Variants in MTA3 observed in about 807,000 individuals in gnomAD.
The protein encoded by MTA3 is metastasis-associated protein MTA3.
In MTA3, 34 loss-of-function variants were observed where a neutral mutation model predicts 83.5. The ratio of observed to expected loss-of-function variants is 0.41; its 90% CI spans 0.31 to 0.54. The LOEUF (loss-of-function observed/expected upper bound fraction) is 0.54. Ranked by LOEUF, MTA3 falls within the 20% of genes least tolerant of loss-of-function variation. MTA3 has a pLI of 0.33. For missense variants in MTA3, 761 were observed against 726.4 expected, an observed-to-expected ratio of 1.05 and a Z score of -0.55; for synonymous variants, 303 against 252.7, an observed-to-expected ratio of 1.20 and a Z score of -1.89.
At chr2:42,631,321 A>G (rs1326759982) in intron 4 of MTA3, among the ~76,000 whole-genome samples, 2 of 152,218 alleles carry the variant, frequency 1.3e-5, no homozygotes, top group African/African-American at 2.4e-5. Flanking sequence ...TATAGTGTAC[A>G]TGTTTAGCAT....
intron 2 of MTA3, among the ~76,000 whole-genome samples, chr2:42,544,673 C>T (rs1676678821): frequency 6.6e-6 from 1 of 151,738 alleles, no homozygotes; most frequent in South Asian, 2.1e-4. Context: ...AGTCGTGAGC[C>T]ACTTTGCCCA....
At chr2:42,704,861 T>G (rs1056800558) in intron 12 of MTA3, among the ~76,000 whole-genome samples, 22 of 152,154 alleles carry the variant, frequency 1.4e-4, no homozygotes, top group African/African-American at 4.8e-4. Context: ...TTGCCCAGGG[T>G]GTTAAATGGG....
chr2:42,704,738 T>C (rs1377210738), intron 12 of MTA3, among the ~76,000 whole-genome samples: 1 of 152,186 alleles, frequency 6.6e-6, no homozygotes, highest in Non-Finnish European at 1.5e-5. Context: ...AGCTGCTGTA[T>C]ATAATCCTCA....
At chr2:42,558,486 G>C (rs1488628297) in intron 2 of MTA3, among the ~76,000 whole-genome samples, 1 of 151,842 alleles carries the variant, frequency 6.6e-6, no homozygotes, top group Admixed American at 6.6e-5. Context: ...CCGACCTCAG[G>C]CCATCTGCCC....
At chr2:42,727,151 T>C (rs544221600) in intron 16 of MTA3, among the ~76,000 whole-genome samples, 30 of 152,286 alleles carry the variant, frequency 2.0e-4, no homozygotes, top group African/African-American at 6.5e-4. Flanking sequence ...TGAGCTATGA[T>C]TGTATCACTG....
intron 8 of MTA3, among the ~76,000 whole-genome samples, chr2:42,663,031 G>A (rs1030365484): frequency 1.3e-5 from 2 of 152,024 alleles, no homozygotes; most frequent in Admixed American, 6.6e-5. Context: ...TGCCTGGCCG[G>A]ATAAAAATAC....
At chr2:42,580,886 G>C (rs1679545131) in intron 3 of MTA3, among the ~76,000 whole-genome samples, 1 of 152,084 alleles carries the variant, frequency 6.6e-6, no homozygotes, top group Non-Finnish European at 1.5e-5. Context: ...ACCCCACCCG[G>C]CCAGTTTGAT....
intron 2 of MTA3, among the ~76,000 whole-genome samples, chr2:42,577,125 T>A (rs1372795103): frequency 8.6e-6 from 1 of 115,852 alleles, no homozygotes; most frequent in Admixed American, 9.4e-5. Context: ...TATATATATA[T>A]ATATATATAA....
chr2:42,744,809 T>G (rs1669296100), intron 16 of MTA3, among the ~76,000 whole-genome samples: 1 of 152,220 alleles, frequency 6.6e-6, no homozygotes, highest in South Asian at 2.1e-4. Flanking sequence ...TAATATATCT[T>G]GACAGCCCAG....
upstream of MTA3, among the ~76,000 whole-genome samples, chr2:42,566,041 T>G (rs1191504215): frequency 3.3e-5 from 5 of 152,066 alleles, no homozygotes; most frequent in Non-Finnish European, 5.9e-5. Context: ...CATAAGCCTT[T>G]GAGGTAGGTA....
intron 3 of MTA3, among the ~76,000 whole-genome samples, chr2:42,592,282 C>CAA (rs946140229): frequency 6.6e-6 from 1 of 151,402 alleles, no homozygotes; most frequent in African/African-American, 2.4e-5. Context: ...CAAAACAAAA[C>CAA]AAAAAACCAA....
chr2:42,696,865 T>C (rs1693431797), intron 10 of MTA3, among the ~76,000 whole-genome samples: 1 of 152,210 alleles, frequency 6.6e-6, no homozygotes, highest in Non-Finnish European at 1.5e-5. Flanking sequence ...CAAAAAGTGC[T>C]TATTATAAAC....
chr2:42,552,913 C>G (rs868152343), intron 2 of MTA3, among the ~76,000 whole-genome samples: 7 of 150,316 alleles, frequency 4.7e-5, no homozygotes, highest in Admixed American at 1.3e-4. Flanking sequence ...TCGCGCCACT[C>G]CCCTCCAGCC....
At chr2:42,710,753 A>T (rs1337090742) in intron 14 of MTA3, among the ~76,000 whole-genome samples, 1 of 152,170 alleles carries the variant, frequency 6.6e-6, no homozygotes, top group Non-Finnish European at 1.5e-5. Flanking sequence ...TGTTCAGCTC[A>T]TTTAAAACAC....
At chr2:42,674,655 G>A (rs1412093257) in intron 8 of MTA3, among the ~76,000 whole-genome samples, 1 of 147,034 alleles carries the variant, frequency 6.8e-6, no homozygotes, top group Non-Finnish European at 1.5e-5. Flanking sequence ...CTGGAGTGCA[G>A]TGGCCCGATC....
At chr2:42,692,652 C>T (rs1392266594) in intron 9 of MTA3, among the ~76,000 whole-genome samples, 1 of 152,196 alleles carries the variant, frequency 6.6e-6, no homozygotes, top group South Asian at 2.1e-4. Flanking sequence ...GTCTCGAACT[C>T]CTGGCCTTAC....
chr2:42,543,647 A>ATTT (rs57792480), intron 2 of MTA3, among the ~76,000 whole-genome samples: 7 of 115,114 alleles, frequency 6.1e-5, no homozygotes, highest in African/African-American at 1.0e-4. Flanking sequence ...GAGGTTACTG[A>ATTT]TTTTTTTTTT....
chr2:42,607,112 AGGTAG>A (rs1683558990), intron 3 of MTA3, among the ~76,000 whole-genome samples: 1 of 120,106 alleles, frequency 8.3e-6, no homozygotes, highest in African/African-American at 3.3e-5. Context: ...GTAGAGGTAG[AGGTAG>A]GTAGAGGTAG....
At chr2:42,502,064 G>T (rs547070222) in intron 2 of MTA3, among the ~76,000 whole-genome samples, 17 of 151,806 alleles carry the variant, frequency 1.1e-4, no homozygotes, top group Admixed American at 9.9e-4. Flanking sequence ...AGTCAGGAAG[G>T]CAGAGGTTAC....
Sources: allele counts gnomAD v4.1 joint callset (sites outside exome capture counted in the v4.1 genomes callset), GRCh38; gene constraint gnomAD v4.1.1; transcripts MANE v1.5; gene names NCBI Gene and HGNC (gene_info 2026-07-23, HGNC 2026-07-21).